The following GPR158 variants were observed in gnomAD, a reference collection of about 807,000 sequenced individuals.
GPR158 encodes the protein metabotropic glycine receptor.
GPR158 carries 30 observed loss-of-function variants against 78.2 expected under a neutral mutation model. The ratio of observed to expected loss-of-function variants is 0.38; its 90% confidence interval spans 0.29 to 0.52. GPR158 has a LOEUF of 0.52. GPR158 is among the 20% of genes least tolerant of loss of function. GPR158 has a pLI of 0.83. For missense variants in GPR158, 1,463 were observed against 1,523.5 expected (o/e 0.96, Z 0.66); for synonymous variants, 581 against 591.1 (o/e 0.98, Z 0.25).
intron 4 of GPR158, among the ~76,000 whole-genome samples, chr10:25,422,376 T>C (rs1834762909): frequency 6.6e-6 from 1 of 152,088 alleles, no homozygotes; most frequent in Admixed American, 6.6e-5. Flanking sequence ...ACAAACCCTA[T>C]TGTGAACTGC....
chr10:25,447,291 A>C (rs1835150432), intron 4 of GPR158, among the ~76,000 whole-genome samples: 1 of 152,210 alleles, frequency 6.6e-6, no homozygotes, highest in African/African-American at 2.4e-5. Flanking sequence ...TTTAAATTGA[A>C]TTTTTGATAG....
At chr10:25,336,849 C>A (rs182026618) in intron 2 of GPR158, among the ~76,000 whole-genome samples, 3 of 152,064 alleles carry the variant, frequency 2.0e-5, no homozygotes, top group African/African-American at 7.2e-5. Flanking sequence ...GAACTGTCAA[C>A]CTCTTGGATT....
chr10:25,320,807 T>C (rs1287420053), intron 2 of GPR158, among the ~76,000 whole-genome samples: 2 of 152,364 alleles, frequency 1.3e-5, no homozygotes, highest in East Asian at 1.9e-4. Context: ...AGCAGGAGTT[T>C]TTATTCTAAT....
intron 5 of GPR158, among the ~76,000 whole-genome samples, chr10:25,527,319 G>C (rs1836362607): frequency 6.6e-6 from 1 of 151,998 alleles, no homozygotes; most frequent in Non-Finnish European, 1.5e-5. Context: ...CGTATGAAAT[G>C]TTCACCAAGA....
chr10:25,357,273 A>G (rs35173442), intron 2 of GPR158, among the ~76,000 whole-genome samples: 15,183 of 152,180 alleles, frequency 0.1, 1,876 homozygotes, highest in African/African-American at 0.3. Flanking sequence ...CTGACAAAGT[A>G]ATACAAAAGA....
At chr10:25,310,663 CTT>C (rs1375085614) in intron 2 of GPR158, among the ~76,000 whole-genome samples, 1 of 151,946 alleles carries the variant, frequency 6.6e-6, no homozygotes, top group East Asian at 1.9e-4. Context: ...AGTTGCAAAT[CTT>C]TTCTCACAGT....
intron 2 of GPR158, among the ~76,000 whole-genome samples, chr10:25,226,273 A>G (rs1026615957): frequency 6.6e-6 from 1 of 152,178 alleles, no homozygotes; most frequent in African/African-American, 2.4e-5. Context: ...TTAATAGCCC[A>G]TGTAACTAGT....
chr10:25,560,139 G>A (rs1181047981), intron 6 of GPR158, among the ~76,000 whole-genome samples: 3 of 152,180 alleles, frequency 2.0e-5, no homozygotes, highest in South Asian at 2.1e-4. Context: ...CAACTGTTAC[G>A]TACTCACACA....
At chr10:25,187,522 A>G (rs995628136) in intron 1 of GPR158, among the ~76,000 whole-genome samples, 8 of 152,174 alleles carry the variant, frequency 5.3e-5, no homozygotes, top group South Asian at 4.1e-4. Flanking sequence ...ACAGAACCAA[A>G]GACAAAAACC....
At chr10:25,178,788 CAG>C (rs1852575277) in intron 1 of GPR158, among the ~76,000 whole-genome samples, 1 of 152,176 alleles carries the variant, frequency 6.6e-6, no homozygotes, top group African/African-American at 2.4e-5. Flanking sequence ...TTACAGGCAT[CAG>C]ATAGTTCCAC....
Position 25,412,452 on chromosome 10 carries a change from C to A in GPR158, c.1314C>A (p.Val438=). 1 of 1,613,518 alleles carries A rather than the reference C, an allele frequency of 6.2e-7. No individual in the cohort carries two copies. The highest frequency in any genetic ancestry group is 8.5e-7 in the Non-Finnish European group (1 of 1,179,504). ...MLLDFVSMLV[V]YHFRKAKSIR... is the part of the protein sequence containing the mutation. ...TCGACTTCGTTAGCATGCTGGTGGTCTACCACTTTCGCAAAGCAAAGGTAA... is the reference window on the plus strand; with the variant it reads ...TCGACTTCGTTAGCATGCTGGTGGTATACCACTTTCGCAAAGCAAAGGTAA... Residue 438 remains valine (V), a synonymous_variant, in exon 4 of 11, where the codon GTC becomes GTA. Transcript: ENST00000376351.
Position 25,599,337 on chromosome 10 carries a change from G to A in GPR158, c.*63G>A. 2.5e-6 allele frequency: 3 copies of A among 1,198,808 alleles called. No homozygotes were observed. Among genetic ancestry groups the A allele is most frequent in the South Asian group, 1.4e-5 (1 of 70,090 alleles). 74.3% of individuals were successfully genotyped at this position (1,198,808 alleles called of 1,614,324 possible). A position where few individuals can be genotyped will look rare whatever the true frequency, so the allele number is the denominator to read the frequency against. On this transcript the variant is annotated 3_prime_UTR_variant, in exon 11 of 11. Transcript: ENST00000376351. ...ATTGGATATGAGACAGAAGATATAAGAATCAAATATTCCCAAGGAGGATTT... is the reference window on the plus strand; with the variant it reads ...ATTGGATATGAGACAGAAGATATAAAAATCAAATATTCCCAAGGAGGATTT...
chr10:25,288,955 G>A (rs892430418), intron 2 of GPR158, among the ~76,000 whole-genome samples: 6 of 152,098 alleles, frequency 3.9e-5, no homozygotes, highest in Non-Finnish European at 7.4e-5. Flanking sequence ...CTTTCCATCG[G>A]CTTCCTTTCT....
chr10:25,347,587 C>T (rs1055559066), intron 2 of GPR158, among the ~76,000 whole-genome samples: 2 of 151,980 alleles, frequency 1.3e-5, no homozygotes, highest in African/African-American at 4.8e-5. Flanking sequence ...GTTAGGAGCT[C>T]AAAAATACTT....
intron 2 of GPR158, among the ~76,000 whole-genome samples, chr10:25,391,609 G>A (rs1453090302): frequency 3.3e-5 from 5 of 152,208 alleles, no homozygotes; most frequent in African/African-American, 1.2e-4. Context: ...CCCAATGCCT[G>A]TAACCCCATT....
At chr10:25,246,086 G>C (rs1564400918) in intron 2 of GPR158, among the ~76,000 whole-genome samples, 1 of 152,176 alleles carries the variant, frequency 6.6e-6, no homozygotes, top group Admixed American at 6.5e-5. Context: ...TTGAGGATCA[G>C]TCCTTTTATA....
At chr10:25,263,998 CT>C (rs1228609501) in intron 2 of GPR158, among the ~76,000 whole-genome samples, 1 of 152,102 alleles carries the variant, frequency 6.6e-6, no homozygotes, top group Non-Finnish European at 1.5e-5. Flanking sequence ...CCTTTGGAGA[CT>C]TTTTTTATTG....
intron 1 of GPR158, among the ~76,000 whole-genome samples, chr10:25,183,296 C>T (rs971689767): frequency 6.6e-6 from 1 of 152,086 alleles, no homozygotes; most frequent in African/African-American, 2.4e-5. Flanking sequence ...CCCCTCCACA[C>T]CCTCCTCTTT....
At chr10:25,296,604 G>A (rs1854519009) in intron 2 of GPR158, among the ~76,000 whole-genome samples, 1 of 151,828 alleles carries the variant, frequency 6.6e-6, no homozygotes, top group South Asian at 2.1e-4. Flanking sequence ...GTACCAAAAT[G>A]AGTACCCAGT....
Sources: allele counts gnomAD v4.1 joint callset (sites outside exome capture counted in the v4.1 genomes callset), GRCh38; gene constraint gnomAD v4.1.1; transcripts MANE v1.5; gene names NCBI Gene and HGNC (gene_info 2026-07-23, HGNC 2026-07-21).